Variants in FMNL2 observed in about 807,000 individuals in gnomAD.
FMNL2 encodes formin like 2, also known as formin-like protein 2.
In FMNL2, 51 loss-of-function variants were observed where a neutral mutation model predicts 130.2. The ratio of observed to expected loss-of-function variants is 0.39; its 90% CI spans 0.31 to 0.49. The LOEUF is 0.49. FMNL2 is among the 20% of genes least tolerant of loss of function. The probability of loss-of-function intolerance (pLI) is 0.85; values close to 1 mark genes in which losing one functional copy is unlikely to be tolerated. For missense variants in FMNL2, 977 were observed against 1,316.2 expected (o/e 0.74, Z 3.99); for synonymous variants, 465 against 467.1 (o/e 1.00, Z 0.06).
chr2:152,614,223 C>CT (rs1397153908), intron 11 of FMNL2, among the ~76,000 whole-genome samples: 1 of 152,180 alleles, frequency 6.6e-6, no homozygotes, highest in African/African-American at 2.4e-5. Flanking sequence ...GTTAAAGCTG[C>CT]TTTTAATTTT....
At chr2:152,602,012 T>A (rs6720219) in intron 9 of FMNL2, among the ~76,000 whole-genome samples, 118,460 of 152,056 alleles carry the variant, frequency 0.78, 46,431 homozygotes, top group East Asian at 0.94. Context: ...AAGTCCAGGG[T>A]TGTTTGCTGA....
At chr2:152,491,539 A>G (rs947226107) in intron 1 of FMNL2, among the ~76,000 whole-genome samples, 1 of 152,216 alleles carries the variant, frequency 6.6e-6, no homozygotes, top group African/African-American at 2.4e-5. Context: ...CACTGTTTTA[A>G]ATCCCACCAG....
At chr2:152,416,464 C>G (rs1432820715) in intron 1 of FMNL2, among the ~76,000 whole-genome samples, 3 of 152,192 alleles carry the variant, frequency 2.0e-5, no homozygotes, top group Non-Finnish European at 4.4e-5. Flanking sequence ...GAAACTGCAC[C>G]AGAGTTTATC....
intron 6 of FMNL2, among the ~76,000 whole-genome samples, chr2:152,562,496 G>A (rs1695586472): frequency 6.6e-6 from 1 of 152,136 alleles, no homozygotes; most frequent in African/African-American, 2.4e-5. Flanking sequence ...ACATTTCTCT[G>A]TAATGAAGTT....
At chr2:152,505,634 C>T (rs1407428143) in intron 1 of FMNL2, among the ~76,000 whole-genome samples, 1 of 152,176 alleles carries the variant, frequency 6.6e-6, no homozygotes, top group African/African-American at 2.4e-5. Context: ...GCTAGATGTG[C>T]TGATTCACTG....
At chr2:152,631,252 T>C (rs986247328) in intron 20 of FMNL2, among the ~76,000 whole-genome samples, 2 of 151,078 alleles carry the variant, frequency 1.3e-5, no homozygotes, top group African/African-American at 4.9e-5. Context: ...TGGGCTAATT[T>C]TTGGGTCACA....
At chr2:152,415,841 T>C (rs1218714815) in intron 1 of FMNL2, among the ~76,000 whole-genome samples, 1 of 152,198 alleles carries the variant, frequency 6.6e-6, no homozygotes, top group Non-Finnish European at 1.5e-5. Flanking sequence ...ATGGTTGATG[T>C]GAATTGATTC....
chr2:152,512,232 AAT>A (rs1692530640), intron 1 of FMNL2, among the ~76,000 whole-genome samples: 1 of 152,202 alleles, frequency 6.6e-6, no homozygotes, highest in South Asian at 2.1e-4. Flanking sequence ...ACATGTCAAG[AAT>A]CGTTAGACAG....
At chr2:152,476,091 G>A (rs1690137596) in intron 1 of FMNL2, among the ~76,000 whole-genome samples, 6 of 152,132 alleles carry the variant, frequency 3.9e-5, no homozygotes, top group Admixed American at 3.9e-4. Flanking sequence ...CCTCTTTTAT[G>A]AATACAATGA....
rs149770826 is a variant in FMNL2, at chr2:152,415,743, A to G, written c.117+80023A>G. On this transcript the variant is annotated intron_variant, in intron 1 of 25. Transcript: ENST00000288670. ...CATGCTATGCCATAGAAGTCAGAGG[A>G]GAGATAGTGCCGCCTTTAAACATTG... Among the ~76,000 whole-genome samples, 644 of 152,324 alleles carry G rather than the reference A, an allele frequency of 4.2e-3. 1 individual carries two copies. The highest frequency in any genetic ancestry group is 6.4e-3 in the Non-Finnish European group (436 of 68,036).
At chr2:152,440,305 C>T (rs1230919528) in intron 1 of FMNL2, among the ~76,000 whole-genome samples, 1 of 152,122 alleles carries the variant, frequency 6.6e-6, no homozygotes, top group East Asian at 1.9e-4. Flanking sequence ...TGGGAAGTTG[C>T]TTGCTTGTTG....
At chr2:152,366,365 G>C (rs1036555247) in intron 1 of FMNL2, among the ~76,000 whole-genome samples, 10 of 151,834 alleles carry the variant, frequency 6.6e-5, no homozygotes, top group African/African-American at 1.5e-4. Flanking sequence ...GTGCAGCACA[G>C]CAACATGGCA....
At chr2:152,461,531 T>G (rs1176687017) in intron 1 of FMNL2, among the ~76,000 whole-genome samples, 1 of 152,142 alleles carries the variant, frequency 6.6e-6, no homozygotes, top group Non-Finnish European at 1.5e-5. Context: ...ACTTAAAAGT[T>G]TTTCAATAAC....
chr2:152,451,532 A>G (rs910641996), intron 1 of FMNL2, among the ~76,000 whole-genome samples: 1 of 151,934 alleles, frequency 6.6e-6, no homozygotes, highest in Non-Finnish European at 1.5e-5. Flanking sequence ...TATGCATACT[A>G]ATTTGTTTAA....
chr2:152,608,089 T>C (rs772345562), intron 10 of FMNL2, among the ~76,000 whole-genome samples: 2 of 152,174 alleles, frequency 1.3e-5, no homozygotes, highest in Non-Finnish European at 2.9e-5. Flanking sequence ...AGATAGAATC[T>C]ACCATAGTGA....
intron 1 of FMNL2, among the ~76,000 whole-genome samples, chr2:152,366,886 C>G (rs1683587284): frequency 2.0e-5 from 3 of 152,036 alleles, no homozygotes; most frequent in Non-Finnish European, 4.4e-5. Context: ...TGGAGGATTG[C>G]TTGAGCCTCG....
intron 1 of FMNL2, among the ~76,000 whole-genome samples, chr2:152,505,091 G>C (rs1311484049): frequency 6.6e-6 from 1 of 152,094 alleles, no homozygotes; most frequent in Admixed American, 6.5e-5. Context: ...TGTATGTTAT[G>C]AAAAGTCACA....
At position 152,560,892 on chromosome 2, in the gene FMNL2, T is replaced by C. The variant is rs373631539; in HGVS notation, c.453T>C (p.Phe151=). The C allele has an allele frequency of 2.5e-6, 4 of 1,608,316 alleles. No individual in the cohort carries two copies. In the African/African-American group the frequency reaches 5.3e-5, roughly 21 times the overall value. Residue 151 remains phenylalanine (F), a synonymous_variant, in exon 6 of 26, where the codon TTT becomes TTC. Transcript: ENST00000288670. ...TTCTCTTTTGTTTTAGTTTTGACTT[T>C]GAAAGTGTGGAGAGTACTGTGGAGA... ...SFAQYAVTFD[F]ESVESTVESS... is the part of the protein sequence containing the mutation.
chr2:152,586,558 A>T (rs1173888333), intron 9 of FMNL2, among the ~76,000 whole-genome samples: 1 of 152,158 alleles, frequency 6.6e-6, no homozygotes, highest in Admixed American at 6.5e-5. Flanking sequence ...CATCCAGATA[A>T]CTTCCTAAGT....
Sources: allele counts gnomAD v4.1 joint callset (sites outside exome capture counted in the v4.1 genomes callset), GRCh38; gene constraint gnomAD v4.1.1; transcripts MANE v1.5; gene names NCBI Gene and HGNC (gene_info 2026-07-23, HGNC 2026-07-21).